Variants in ACTG2 observed in about 807,000 individuals in gnomAD.
ACTG2 encodes the protein actin, gamma-enteric smooth muscle.
ACTG2 carries 16 observed loss-of-function variants against 37.6 expected under a neutral mutation model. The observed-to-expected ratio is 0.43, with a 90% confidence interval of 0.29 to 0.65. ACTG2 has a LOEUF of 0.65. Ranked by LOEUF, ACTG2 falls within the 30% of genes least tolerant of loss-of-function variation. ACTG2 has a pLI of 0.18. For missense variants in ACTG2, 238 were observed against 490.9 expected (o/e 0.48, Z 4.87); for synonymous variants, 181 against 179.9 (o/e 1.01, Z -0.05).
chr2:73,897,812 T>C (rs1007778496), intron 1 of ACTG2, among the ~76,000 whole-genome samples: 1 of 152,174 alleles, frequency 6.6e-6, no homozygotes, highest in African/African-American at 2.4e-5. Context: ...TGGCACCTTG[T>C]TGCTGCACCG....
At chr2:73,918,867 T>C (rs1049972944) in intron 8 of ACTG2, among the ~76,000 whole-genome samples, 2 of 152,220 alleles carry the variant, frequency 1.3e-5, no homozygotes, top group African/African-American at 4.8e-5. Flanking sequence ...GTTCCCCTTA[T>C]AGATATTTGT....
intron 5 of ACTG2, among the ~76,000 whole-genome samples, chr2:73,910,209 C>T (rs933148917): frequency 2.5e-5 from 3 of 121,320 alleles, no homozygotes; most frequent in African/African-American, 5.6e-5. Flanking sequence ...AGCGAGACTC[C>T]GTCTCAAAAA....
intron 3 of ACTG2, chr2:73,902,828 G>A (rs540329317): frequency 6.8e-7 from 1 of 1,468,156 alleles, no homozygotes; most frequent in Non-Finnish European, 9.1e-7. Flanking sequence ...ACCAACAGGG[G>A]GTTCCTAACT....
At chr2:73,910,238 T>TA (rs1680100843) in intron 5 of ACTG2, among the ~76,000 whole-genome samples, 3 of 141,174 alleles carry the variant, frequency 2.1e-5, no homozygotes, top group South Asian at 2.3e-4. Context: ...ATATATATAT[T>TA]ATTCTTTCTT....
At chr2:73,897,699 A>G (rs1679779840) in intron 1 of ACTG2, among the ~76,000 whole-genome samples, 1 of 152,218 alleles carries the variant, frequency 6.6e-6, no homozygotes, top group African/African-American at 2.4e-5. Context: ...TTTATAAACA[A>G]TGGAAATGTA....
intron 5 of ACTG2, among the ~76,000 whole-genome samples, chr2:73,912,318 C>T (rs780830828): frequency 2.0e-5 from 3 of 152,172 alleles, no homozygotes; most frequent in Admixed American, 6.5e-5. Context: ...CCTCTGCACC[C>T]GGCTAATTTT....
intron 3 of ACTG2, among the ~76,000 whole-genome samples, chr2:73,903,694 C>T (rs924566468): frequency 5.9e-5 from 9 of 152,140 alleles, no homozygotes; most frequent in African/African-American, 1.7e-4. Flanking sequence ...GTAATCCCAG[C>T]ACTTTGGGAG....
chr2:73,918,660 A>G (rs1680320333), intron 8 of ACTG2, among the ~76,000 whole-genome samples: 1 of 152,198 alleles, frequency 6.6e-6, no homozygotes, highest in Non-Finnish European at 1.5e-5. Context: ...CTGACAATCA[A>G]TTTCTAAAAG....
chr2:73,901,164 C>G, intron 1 of ACTG2, 112 bp from the exon 2 acceptor site: 1 of 880,042 alleles, frequency 1.1e-6, no homozygotes, highest in South Asian at 2.2e-5. Context: ...ATGCCTGTCC[C>G]TCCTGGAAGT....
At chr2:73,915,724 G>C (rs1294039837) in intron 7 of ACTG2, among the ~76,000 whole-genome samples, 1 of 152,152 alleles carries the variant, frequency 6.6e-6, no homozygotes, top group Non-Finnish European at 1.5e-5. Flanking sequence ...AGGGAATGAA[G>C]TATTGATCCA....
At chr2:73,897,498 A>G (rs1219406126) in intron 1 of ACTG2, among the ~76,000 whole-genome samples, 2 of 152,178 alleles carry the variant, frequency 1.3e-5, no homozygotes, top group East Asian at 3.8e-4. Context: ...TGCCCATGTG[A>G]TTCTAAGTCA....
chr2:73,907,470 C>A (rs1428876473), intron 3 of ACTG2, among the ~76,000 whole-genome samples: 1 of 152,108 alleles, frequency 6.6e-6, no homozygotes, highest in Non-Finnish European at 1.5e-5. Context: ...AAATTAACTT[C>A]CTCTAAAACA....
intron 1 of ACTG2, among the ~76,000 whole-genome samples, chr2:73,895,001 G>T (rs189197649): frequency 6.6e-6 from 1 of 152,312 alleles, no homozygotes; most frequent in Non-Finnish European, 1.5e-5. Flanking sequence ...AGCATGCGGT[G>T]GTCCTGAGCT....
At chr2:73,908,587 C>A in intron 3 of ACTG2, 86 bp from the exon 4 acceptor site, 1 of 1,131,046 alleles carries the variant, frequency 8.8e-7, no homozygotes, top group Non-Finnish European at 1.3e-6. Flanking sequence ...TAACATGGTG[C>A]CACACTCTCC....
intron 3 of ACTG2, among the ~76,000 whole-genome samples, chr2:73,904,773 G>GTATATATA (rs1679979413): frequency 2.0e-3 from 40 of 20,064 alleles, no homozygotes; most frequent in African/African-American, 3.6e-3. Flanking sequence ...GTGTGTGTGT[G>GTATATATA]TGTGTATATA....
At chr2:73,897,279 A>T (rs1679766904) in intron 1 of ACTG2, 1 of 152,230 alleles carries the variant, frequency 6.6e-6, no homozygotes, top group African/African-American at 2.4e-5. Flanking sequence ...GGAGGGAGAC[A>T]AAAGGGCCCA....
chr2:73,907,680 G>A (rs575681358), intron 3 of ACTG2, among the ~76,000 whole-genome samples: 6 of 152,144 alleles, frequency 3.9e-5, no homozygotes, highest in Admixed American at 3.9e-4. Flanking sequence ...CAGGCCCACA[G>A]TGTGTTGCCC....
At chr2:73,901,600 G>A in intron 2 of ACTG2, 163 bp downstream of exon 2, 1 of 819,760 alleles carries the variant, frequency 1.2e-6, no homozygotes, top group Non-Finnish European at 1.6e-6. Flanking sequence ...GTGTGTGTGT[G>A]TGTGTCTGTG....
chr2:73,913,654 G>T lies in ACTG2; in HGVS notation c.613+8G>T, dbSNP rs146450506. The T allele has an allele frequency of 6.1e-3, 9,741 of 1,603,356 alleles. 854 individuals are homozygous for T. The Admixed American group carries it at 0.15, about 24-fold the overall frequency. ...ATTCCTTTGTGACCACAGGTATCCA[G>T]CCCCTTTTCTGATTCTGACTGGAGC... is the stretch of plus-strand genomic sequence containing the variant. On this transcript the variant is annotated splice_region_variant and intron_variant, in intron 6 of 8. Coordinates refer to ENST00000345517, the MANE Select transcript of ACTG2 (RefSeq NM_001615.4).
Sources: allele counts gnomAD v4.1 joint callset (sites outside exome capture counted in the v4.1 genomes callset), GRCh38; gene constraint gnomAD v4.1.1; transcripts MANE v1.5; gene names NCBI Gene and HGNC (gene_info 2026-07-23, HGNC 2026-07-21).